Variants in SGCD observed in about 807,000 individuals in gnomAD.
The protein encoded by SGCD is sarcoglycan delta.
A neutral mutation model predicts 36.6 loss-of-function variants in SGCD; 18 were observed. The ratio of observed to expected loss-of-function variants is 0.49; its 90% CI spans 0.34 to 0.73. The LOEUF (loss-of-function observed/expected upper bound fraction) is 0.73. SGCD is among the 30% of genes least tolerant of loss of function. The pLI is 0.01. For synonymous variants in SGCD, 133 were observed against 130.6 expected (o/e 1.02, Z -0.12); for missense variants, 387 against 346.7 (o/e 1.12, Z -0.92).
intron 4 of SGCD, among the ~76,000 whole-genome samples, chr5:156,524,184 CTA>C (rs370041027): frequency 0.12 from 8,850 of 75,046 alleles, 752 homozygotes; most frequent in African/African-American, 0.22. Flanking sequence ...ATAGGTCTTA[CTA>C]TATATATATA....
At position 156,100,025 on chromosome 5, in the gene SGCD, C is replaced by T. The variant is rs533974605; in HGVS notation, c.-281-17853C>T. On this transcript the variant is annotated intron_variant, in intron 1 of 9. Coordinates refer to the SGCD transcript ENST00000517913. ...TGTCATAGGCTATATGTGTATTTTA[C>T]TCTTCCACTTGTGTCTAATTTTCAT... is the stretch of plus-strand genomic sequence containing the variant. 4.2e-4 allele frequency among the ~76,000 whole-genome samples: 64 copies of T among 152,234 alleles called. No individual in the cohort carries two copies. In the South Asian group the frequency reaches 0.013, roughly 30 times the overall value.
At chr5:156,327,377 A>C (rs1186041397) in intron 1 of SGCD, 145 bp downstream of exon 1, 1 of 152,298 alleles carries the variant, frequency 6.6e-6, no homozygotes, top group Non-Finnish European at 1.5e-5. Context: ...TCATGTAAAC[A>C]GTTGGCATGG....
At chr5:156,663,182 G>T in intron 7 of SGCD, among the ~76,000 whole-genome samples, 2 of 146,958 alleles carry the variant, frequency 1.4e-5, no homozygotes, top group African/African-American at 5.2e-5. Flanking sequence ...AAGAGGAATT[G>T]AAGTAATCAT....
intron 2 of SGCD, among the ~76,000 whole-genome samples, chr5:156,332,488 C>G (rs936989196): frequency 6.6e-6 from 1 of 152,174 alleles, no homozygotes; most frequent in Non-Finnish European, 1.5e-5. Context: ...TTTGTCTGCT[C>G]TATTTTTCTA....
rs137901714 is a variant in SGCD, at chr5:156,247,655, T to C, written c.-43-81879T>C. 1.0e-3 allele frequency among the ~76,000 whole-genome samples: 156 copies of C among 152,334 alleles called. 1 individual carries two copies. Among genetic ancestry groups the C allele is most frequent in the African/African-American group, 3.5e-3 (145 of 41,580 alleles). On this transcript the variant is annotated intron_variant, in intron 3 of 9. Transcript: ENST00000517913. ...CAAAAGGATGTTTAGTCTTCTAAGA[T>C]AGACAACTTGGTAGAATATGGTCCT...
the SGCD span, among the ~76,000 whole-genome samples, chr5:155,809,171 T>G: frequency 6.6e-6 from 1 of 152,212 alleles, no homozygotes; most frequent in Non-Finnish European, 1.5e-5. Flanking sequence ...CCAGGCACAG[T>G]GTCAGGAGTT....
chr5:156,132,434 G>A (rs116341883), intron 3 of SGCD, among the ~76,000 whole-genome samples: 5,804 of 148,116 alleles, frequency 0.039, 217 homozygotes, highest in African/African-American at 0.089. Flanking sequence ...GCACAGCAGC[G>A]GAACTGTGGC....
At chr5:156,107,067 T>G (rs1274762602) in intron 1 of SGCD, among the ~76,000 whole-genome samples, 1 of 152,166 alleles carries the variant, frequency 6.6e-6, no homozygotes, top group East Asian at 1.9e-4. Context: ...ATTAAGTTCT[T>G]TTCTGAATGT....
intron 4 of SGCD, among the ~76,000 whole-genome samples, chr5:156,509,535 A>G (rs1044220745): frequency 6.6e-6 from 1 of 152,224 alleles, no homozygotes; most frequent in East Asian, 1.9e-4. Flanking sequence ...ATGCAGTATC[A>G]TTATCTAATT....
intron 1 of SGCD, among the ~76,000 whole-genome samples, chr5:156,023,903 T>G (rs979588521): frequency 2.0e-5 from 3 of 152,224 alleles, no homozygotes; most frequent in African/African-American, 7.2e-5. Context: ...GCTTTCTGAC[T>G]TTGACGCTTC....
At chr5:156,697,957 C>T (rs1236694367) in intron 7 of SGCD, among the ~76,000 whole-genome samples, 1 of 152,184 alleles carries the variant, frequency 6.6e-6, no homozygotes, top group Non-Finnish European at 1.5e-5. Flanking sequence ...GAGGAAGTCA[C>T]AACTCAGATT....
chr5:156,335,817 C>T (rs1386329675), intron 2 of SGCD, among the ~76,000 whole-genome samples: 1 of 152,134 alleles, frequency 6.6e-6, no homozygotes, highest in Non-Finnish European at 1.5e-5. Context: ...TCTGCTTTCC[C>T]ACAAGATTCC....
intron 7 of SGCD, among the ~76,000 whole-genome samples, chr5:156,696,217 T>A (rs570598477): frequency 1.3e-5 from 2 of 152,322 alleles, no homozygotes; most frequent in East Asian, 1.9e-4. Flanking sequence ...AGTTTCCAAC[T>A]GTGAAGCTAA....
At chr5:156,643,837 A>G (rs1763130416) in intron 6 of SGCD, among the ~76,000 whole-genome samples, 1 of 152,170 alleles carries the variant, frequency 6.6e-6, no homozygotes, top group Non-Finnish European at 1.5e-5. Context: ...TTCAGGTTAT[A>G]TATACCCAAG....
At chr5:156,043,467 CCT>C (rs1196121618) in intron 1 of SGCD, among the ~76,000 whole-genome samples, 1 of 152,130 alleles carries the variant, frequency 6.6e-6, no homozygotes, top group Non-Finnish European at 1.5e-5. Context: ...CAAAATTTCA[CCT>C]CTCTAGTGTC....
intron 1 of SGCD, among the ~76,000 whole-genome samples, chr5:155,929,006 T>C (rs893276262): frequency 6.6e-6 from 1 of 152,198 alleles, no homozygotes; most frequent in Non-Finnish European, 1.5e-5. Flanking sequence ...AAGTAATATT[T>C]TCTCATTATA....
At chr5:156,725,747 G>A (rs376506061) in intron 7 of SGCD, among the ~76,000 whole-genome samples, 1 of 152,198 alleles carries the variant, frequency 6.6e-6, no homozygotes, top group African/African-American at 2.4e-5. Context: ...CTCAGCAGGG[G>A]TTATGGGAAC....
intron 1 of SGCD, among the ~76,000 whole-genome samples, chr5:155,938,135 G>T (rs929116269): frequency 2.6e-5 from 4 of 152,168 alleles, no homozygotes; most frequent in African/African-American, 9.7e-5. Flanking sequence ...TGGCCCAGGG[G>T]GTGCTTTCTA....
intron 1 of SGCD, among the ~76,000 whole-genome samples, chr5:155,908,653 T>C (rs1237136778): frequency 6.6e-6 from 1 of 152,140 alleles, no homozygotes; most frequent in Non-Finnish European, 1.5e-5. Flanking sequence ...TTGCAGCTAT[T>C]TCTGCACTGG....
Sources: allele counts gnomAD v4.1 joint callset (sites outside exome capture counted in the v4.1 genomes callset), GRCh38; gene constraint gnomAD v4.1.1; transcripts MANE v1.5; gene names NCBI Gene and HGNC (gene_info 2026-07-23, HGNC 2026-07-21).